The following USP8 variants were observed in gnomAD, a reference collection of about 807,000 sequenced individuals.
USP8 encodes ubiquitin specific peptidase 8, also known as ubiquitin carboxyl-terminal hydrolase 8.
USP8 carries 27 observed loss-of-function variants against 130.0 expected under a neutral mutation model. The ratio of observed to expected loss-of-function variants is 0.21; its 90% CI spans 0.15 to 0.29. The LOEUF is 0.29. Among genes scored for constraint, USP8 ranks in the 10% least tolerant of loss-of-function variants. USP8 has a pLI of 1.00. For synonymous variants in USP8, 392 were observed against 444.1 expected, an observed-to-expected ratio of 0.88 and a Z score of 1.48; for missense variants, 1,029 against 1,312.2, an observed-to-expected ratio of 0.78 and a Z score of 3.33.
rs3887421 is a variant in USP8, at chr15:50,491,783, G to C, written c.2235-918G>C. On this transcript the variant is annotated intron_variant, in intron 14 of 19. Transcript: ENST00000307179. ...TTCTCTGCCCCAGCACTGTCCAGCA[G>C]ATCTTTCCATGGTGATAGAAATGTA... 8.1e-3 allele frequency among the ~76,000 whole-genome samples: 1,236 copies of C among 152,288 alleles called. 17 individuals carry two copies. The highest frequency in any genetic ancestry group is 0.028 in the African/African-American group (1,147 of 41,568).
chr15:50,484,067 C>CT (rs377701420), intron 11 of USP8, among the ~76,000 whole-genome samples: 3,773 of 148,844 alleles, frequency 0.025, 61 homozygotes, highest in Middle Eastern at 0.052. Flanking sequence ...TGATTTTCAT[C>CT]TTTTTTTTTT....
chr15:50,450,201 A>C (rs1393571842), intron 4 of USP8, among the ~76,000 whole-genome samples: 2 of 151,840 alleles, frequency 1.3e-5, no homozygotes, highest in Non-Finnish European at 2.9e-5. Context: ...CAATATTTCT[A>C]ATTTATAATA....
intron 2 of USP8, 90 bp from the exon 3 acceptor site, chr15:50,441,259 T>C (rs2050250730): frequency 1.5e-5 from 19 of 1,283,350 alleles, no homozygotes; most frequent in Non-Finnish European, 1.8e-5. Context: ...TGGGGATCCC[T>C]GATAAAGATT....
chr15:50,472,720 G>A (rs1338012268), intron 8 of USP8, among the ~76,000 whole-genome samples: 1 of 152,082 alleles, frequency 6.6e-6, no homozygotes, highest in African/African-American at 2.4e-5. Flanking sequence ...AGACCAGCTT[G>A]ACCAACATGC....
chr15:50,477,072 TTG>T, intron 9 of USP8, 79 bp downstream of exon 9: 2 of 1,551,018 alleles, frequency 1.3e-6, no homozygotes, highest in Non-Finnish European at 1.7e-6. Context: ...ACATTCTTGG[TTG>T]TGTGTGTATT....
chr15:50,481,006 C>T (rs1327484888), intron 10 of USP8, among the ~76,000 whole-genome samples: 1 of 150,348 alleles, frequency 6.7e-6, no homozygotes, highest in Non-Finnish European at 1.5e-5. Flanking sequence ...TTGATTTGTG[C>T]AACTATTGGG....
At chr15:50,460,066 C>T (rs1244235075) in intron 5 of USP8, among the ~76,000 whole-genome samples, 12 of 129,968 alleles carry the variant, frequency 9.2e-5, no homozygotes, top group Non-Finnish European at 1.6e-4. Context: ...GGCGTGATCT[C>T]GGCTCACTGC....
At chr15:50,480,468 A>G (rs1444891368) in intron 10 of USP8, among the ~76,000 whole-genome samples, 1 of 152,172 alleles carries the variant, frequency 6.6e-6, no homozygotes, top group African/African-American at 2.4e-5. Context: ...TCCGGTAGAG[A>G]AGAATAAAGT....
At chr15:50,483,611 G>A (rs899584567) in intron 11 of USP8, among the ~76,000 whole-genome samples, 2 of 152,216 alleles carry the variant, frequency 1.3e-5, no homozygotes, top group African/African-American at 2.4e-5. Context: ...TGGCTAACAC[G>A]GTAAAACCCT....
rs1483893310 is a variant in USP8 at position 50,506,938 on chromosome 15, A to C, written c.*7850A>C. On this transcript the variant is annotated 3_prime_UTR_variant, in exon 20 of 20. Coordinates refer to ENST00000307179, the MANE Select transcript of USP8 (RefSeq NM_005154.5). ...GTGCCACTGCATTCCAGCCTGGGCG[A>C]CAGAGCGAGACTTCATCTCAAAAAA... is the stretch of plus-strand genomic sequence containing the variant. 1 of 117,410 alleles carries C rather than the reference A, an allele frequency of 8.5e-6. No individual in the cohort carries two copies. Among genetic ancestry groups the C allele is most frequent in the Non-Finnish European group, 1.6e-5 (1 of 61,700 alleles). 7.3% of individuals were successfully genotyped at this position (117,410 alleles called of 1,614,324 possible).
chr15:50,431,879 CT>C (rs2049942706), intron 1 of USP8, among the ~76,000 whole-genome samples: 1 of 152,050 alleles, frequency 6.6e-6, no homozygotes, highest in South Asian at 2.1e-4. Flanking sequence ...TGGTCTTGAA[CT>C]TCTGACCTCA....
At position 50,500,682 on chromosome 15, in the gene USP8, G is replaced by C. The variant is rs1453757383; in HGVS notation, c.*1594G>C. 7 of 1,315,890 alleles carry C rather than the reference G, an allele frequency of 5.3e-6. No homozygotes were observed. The highest frequency in any genetic ancestry group is 7.5e-6 in the Non-Finnish European group (7 of 935,598). 81.5% of individuals were successfully genotyped at this position (1,315,890 alleles called of 1,614,324 possible). A position where few individuals can be genotyped will look rare whatever the true frequency, so the allele number is the denominator to read the frequency against. On this transcript the variant is annotated 3_prime_UTR_variant, in exon 20 of 20. Transcript: ENST00000307179. ...AACGCTTTTGTATTGGTATGGAAAA[G>C]GGCTGGCAGCTATAGAACAGGAGAT...
chr15:50,505,478 G>C lies in USP8; in HGVS notation c.*6390G>C, dbSNP rs1455778605. 6.6e-6 allele frequency: 1 copy of C among 152,114 alleles called. No individual in the cohort carries two copies. Among genetic ancestry groups the C allele is most frequent in the African/African-American group, 2.4e-5 (1 of 41,430 alleles). 9.4% of individuals were successfully genotyped at this position (152,114 alleles called of 1,614,324 possible). ...ACTTCTCAAAGACTGAGAGACTTCA[G>C]GATAACAGACCCTCACTGAAAAGCC... On this transcript the variant is annotated 3_prime_UTR_variant, in exon 20 of 20. Coordinates refer to ENST00000307179, the MANE Select transcript of USP8 (RefSeq NM_005154.5).
chr15:50,490,475 G>C lies in USP8; in HGVS notation c.2184G>C (p.Glu728Asp), dbSNP rs1299099759. 2 of 1,614,100 alleles carry C rather than the reference G, an allele frequency of 1.2e-6. No homozygotes were observed. The highest frequency in any genetic ancestry group is 1.3e-5 in the African/African-American group (1 of 75,010). ...SSPDITQAIQ[E>D]EEKRKPTVTP... Reference sequence around the variant, plus strand: ...CAGATATAACCCAGGCTATTCAAGAGGAAGAGAAGAGGAAGCCAACAGTAA... The same window carrying C: ...CAGATATAACCCAGGCTATTCAAGACGAAGAGAAGAGGAAGCCAACAGTAA... Residue 728 changes from glutamate (E) to aspartate (D), a missense_variant, in exon 14 of 20, where the codon GAG becomes GAC. By Grantham distance (45) the Glu-to-Asp change is conservative. Around this residue, in one of 4 missense-constraint regions of USP8, gnomAD observed 486 missense variants for 522.0 expected, o/e 0.93. Transcript: ENST00000307179.
At chr15:50,434,427 T>G (rs1237392109) in intron 1 of USP8, among the ~76,000 whole-genome samples, 3 of 151,870 alleles carry the variant, frequency 2.0e-5, no homozygotes, top group Admixed American at 1.3e-4. Flanking sequence ...TTAACTCATT[T>G]TCAACACTTT....
chr15:50,489,426 TA>T (rs538200284), intron 12 of USP8: 44 of 152,962 alleles, frequency 2.9e-4, no homozygotes, highest in Middle Eastern at 3.1e-3. Context: ...TGTGGAAAAC[TA>T]AAAAAAAAAT....
At chr15:50,456,892 A>G (rs955785592) in intron 4 of USP8, among the ~76,000 whole-genome samples, 21 of 152,320 alleles carry the variant, frequency 1.4e-4, no homozygotes, top group African/African-American at 4.8e-4. Flanking sequence ...TGAAAAAAAG[A>G]AAAAGAAAAA....
At chr15:50,441,318 C>A in intron 2 of USP8, 31 bp from the exon 3 acceptor site, 1 of 1,556,416 alleles carries the variant, frequency 6.4e-7, no homozygotes, top group Non-Finnish European at 8.6e-7. Context: ...ATGTCAATTG[C>A]TTTAATTATT....
intron 3 of USP8, among the ~76,000 whole-genome samples, chr15:50,447,892 C>T (rs779934774): frequency 3.3e-5 from 5 of 151,970 alleles, no homozygotes; most frequent in Admixed American, 6.6e-5. Context: ...CGTGAGCTAC[C>T]GTGCCCAGCC....
Sources: allele counts gnomAD v4.1 joint callset (sites outside exome capture counted in the v4.1 genomes callset), GRCh38; gene constraint gnomAD v4.1.1; regional missense constraint gnomAD v4.1.1; transcripts MANE v1.5; gene names NCBI Gene and HGNC (gene_info 2026-07-23, HGNC 2026-07-21).